GDPD1: variants seen among roughly 807,000 people sequenced by gnomAD.
GDPD1 encodes glycerophosphodiester phosphodiesterase domain containing 1.
Under a neutral mutation model 45.1 loss-of-function variants are expected in GDPD1, and 28 were observed. That is an observed-to-expected ratio of 0.62 (90% CI 0.46 to 0.85). GDPD1 has a LOEUF of 0.85. Among genes scored for constraint, GDPD1 ranks in the 40% least tolerant of loss-of-function variants. The pLI is 0.00. For missense variants in GDPD1, 256 were observed against 364.8 expected (o/e 0.70, Z 2.43); for synonymous variants, 139 against 131.4 (o/e 1.06, Z -0.40).
At position 59,255,797 on chromosome 17, in the gene GDPD1, GTA is replaced by G. The variant is rs1291959577; in HGVS notation, c.368-1312_368-1311del. Among the ~76,000 whole-genome samples, 6 of 49,052 alleles carry G rather than the reference GTA, an allele frequency of 1.2e-4. 1 individual carries two copies. Among genetic ancestry groups the G allele is most frequent in the East Asian group, 1.2e-3 (2 of 1,666 alleles). 32.2% of individuals were successfully genotyped at this position (49,052 alleles called of 152,430 possible). On this transcript the variant is annotated intron_variant, in intron 4 of 9. Coordinates refer to ENST00000284116, the MANE Select transcript of GDPD1 (RefSeq NM_182569.4). Reference sequence around the variant, plus strand: ...TATATATATATATACGCGTATATATGTATATATATATATACGCGTATATATAT... The same window carrying G: ...TATATATATATATACGCGTATATATGTATATATATATACGCGTATATATAT...
intron 1 of GDPD1, among the ~76,000 whole-genome samples, chr17:59,229,964 T>C (rs755231922): frequency 2.0e-4 from 31 of 152,164 alleles, no homozygotes; most frequent in Non-Finnish European, 3.8e-4. Context: ...TATTGTGTGT[T>C]TTTGTTTGCT....
At position 59,267,186 on chromosome 17, in the gene GDPD1, C is replaced by A. The variant is rs369834778; in HGVS notation, c.710+12C>A. 17 of 1,602,106 alleles carry A rather than the reference C, an allele frequency of 1.1e-5. No individual in the cohort carries two copies. The Admixed American group carries it at 2.8e-4, about 26-fold the overall frequency. On this transcript the variant is annotated intron_variant, in intron 7 of 9. Transcript: ENST00000284116. Reference sequence around the variant, plus strand: ...TCTATTATACTGAAGTAAGTGGTTACCCTTTTATTTTAAAATCAATTATCA... The same window carrying A: ...TCTATTATACTGAAGTAAGTGGTTAACCTTTTATTTTAAAATCAATTATCA...
At position 59,274,794 on chromosome 17, in the gene GDPD1, A is replaced by G. The variant is rs2047469442; in HGVS notation, c.*1021A>G. ...CTCCGTCTCAAAAAAAGAAAAAAAG[A>G]AAAAAAATTGGCAATAGTCTTCACT... On this transcript the variant is annotated 3_prime_UTR_variant, in exon 10 of 10. Coordinates refer to ENST00000284116, the MANE Select transcript of GDPD1 (RefSeq NM_182569.4). Among the ~76,000 whole-genome samples the G allele has an allele frequency of 6.6e-6, 1 of 151,654 alleles. No individual in the cohort carries two copies.
chr17:59,227,492 T>C (rs1303206630), intron 1 of GDPD1, among the ~76,000 whole-genome samples: 1 of 152,130 alleles, frequency 6.6e-6, no homozygotes, highest in Admixed American at 6.6e-5. Context: ...GTATATAATA[T>C]TAGACAATAT....
At chr17:59,259,774 A>G (rs2047339810) in intron 6 of GDPD1, among the ~76,000 whole-genome samples, 2 of 148,550 alleles carry the variant, frequency 1.3e-5, no homozygotes, top group Non-Finnish European at 3.0e-5. Context: ...GAAATTATTT[A>G]GGGTCAGGCT....
intron 2 of GDPD1, among the ~76,000 whole-genome samples, chr17:59,237,917 A>C (rs1313926296): frequency 1.3e-5 from 2 of 150,140 alleles, no homozygotes; most frequent in Non-Finnish European, 3.0e-5. Flanking sequence ...TAAAAATTTA[A>C]AAATTAGCTG....
intron 7 of GDPD1, among the ~76,000 whole-genome samples, chr17:59,267,851 G>A (rs2047410685): frequency 2.0e-5 from 3 of 151,860 alleles, no homozygotes; most frequent in Non-Finnish European, 4.4e-5. Context: ...TGTAGTTTTA[G>A]TAGAGATGGG....
intron 7 of GDPD1, 34 bp downstream of exon 7, chr17:59,267,208 A>G: frequency 6.4e-7 from 1 of 1,561,950 alleles, no homozygotes. Context: ...AAAATCAATT[A>G]TCAATTACAG....
At chr17:59,232,267 A>G (rs1187895380) in intron 1 of GDPD1, among the ~76,000 whole-genome samples, 1 of 152,088 alleles carries the variant, frequency 6.6e-6, no homozygotes, top group Non-Finnish European at 1.5e-5. Flanking sequence ...CATGGCCAAT[A>G]TGGTGAAACC....
intron 1 of GDPD1, among the ~76,000 whole-genome samples, chr17:59,232,740 AAG>A (rs754854363): frequency 2.0e-4 from 30 of 152,200 alleles, no homozygotes; most frequent in Non-Finnish European, 3.1e-4. Context: ...TATAAAATCA[AAG>A]AGAGACTTCT....
Position 59,240,239 on chromosome 17 carries a change from C to T in GDPD1, c.186-5175C>T, listed in dbSNP as rs889680456. Among the ~76,000 whole-genome samples the T allele has an allele frequency of 2.0e-5, 3 of 151,038 alleles. No homozygotes were observed. In the East Asian group the frequency reaches 5.9e-4, roughly 29 times the overall value. On this transcript the variant is annotated intron_variant, in intron 2 of 9. Transcript: ENST00000284116. Reference sequence around the variant, plus strand: ...CTGGAGAGCGGAAGTTGCAGTGAGCCGAGATCATGCCACTGCACTCCAGCC... The same window carrying T: ...CTGGAGAGCGGAAGTTGCAGTGAGCTGAGATCATGCCACTGCACTCCAGCC...
intron 3 of GDPD1, among the ~76,000 whole-genome samples, chr17:59,247,634 AT>A (rs559248195): frequency 2.9e-4 from 42 of 147,086 alleles, no homozygotes; most frequent in Admixed American, 4.1e-4. Flanking sequence ...ACTGCACTGA[AT>A]TTTTTTTTTT....
intron 1 of GDPD1, among the ~76,000 whole-genome samples, chr17:59,223,321 A>G (rs1262646144): frequency 1.3e-5 from 2 of 152,196 alleles, no homozygotes; most frequent in Non-Finnish European, 2.9e-5. Flanking sequence ...TGTTTTACCT[A>G]TATAATGGTC....
intron 7 of GDPD1, among the ~76,000 whole-genome samples, chr17:59,267,643 T>C (rs1450663070): frequency 6.6e-6 from 1 of 151,622 alleles, no homozygotes; most frequent in Non-Finnish European, 1.5e-5. Flanking sequence ...AGTTAGTTTA[T>C]ATAGGATACT....
At chr17:59,266,955 T>C (rs1303553108) in intron 6 of GDPD1, 86 bp from the exon 7 acceptor site, 1 of 1,111,004 alleles carries the variant, frequency 9.0e-7, no homozygotes, top group South Asian at 1.4e-5. Flanking sequence ...CAACACATTG[T>C]CTTGGGAAAT....
At chr17:59,265,213 TC>T (rs1468290761) in intron 6 of GDPD1, among the ~76,000 whole-genome samples, 3 of 151,944 alleles carry the variant, frequency 2.0e-5, no homozygotes, top group Non-Finnish European at 4.4e-5. Flanking sequence ...TATTAAAAGT[TC>T]ACTGTAAGCA....
At chr17:59,261,078 G>T (rs1013106119) in intron 6 of GDPD1, among the ~76,000 whole-genome samples, 2 of 152,180 alleles carry the variant, frequency 1.3e-5, no homozygotes, top group African/African-American at 2.4e-5. Flanking sequence ...AGGTTCTCCT[G>T]CCTCAGACTC....
At chr17:59,223,595 C>A (rs2047022738) in intron 1 of GDPD1, among the ~76,000 whole-genome samples, 1 of 152,174 alleles carries the variant, frequency 6.6e-6, no homozygotes, top group Non-Finnish European at 1.5e-5. Context: ...GCCATAACTG[C>A]AAATACCTGA....
intron 6 of GDPD1, 69 bp from the exon 7 acceptor site, chr17:59,266,972 A>T: frequency 8.1e-7 from 1 of 1,232,078 alleles, no homozygotes; most frequent in Non-Finnish European, 1.2e-6. Flanking sequence ...AAATACTGAG[A>T]GTTGTGAAGT....
Sources: gnomAD v4.1 joint callset for allele counts (sites outside exome capture counted in the v4.1 genomes callset) on GRCh38, gnomAD v4.1.1 for gene constraint, MANE v1.5 for transcripts, NCBI Gene and HGNC (gene_info 2026-07-23, HGNC 2026-07-21) for gene names.